The following SV2C variants were observed in gnomAD, a reference collection of about 807,000 sequenced individuals.
SV2C encodes the protein solute carrier family 22 member B3.
SV2C carries 49 observed loss-of-function variants against 79.7 expected under a neutral mutation model. The observed-to-expected ratio is 0.61, with a 90% confidence interval of 0.49 to 0.78. The LOEUF (loss-of-function observed/expected upper bound fraction) is 0.78, where lower values mean the gene tolerates loss of function less well. SV2C is among the 30% of genes least tolerant of loss of function. SV2C has a pLI of 0.00. For synonymous variants in SV2C, 334 were observed against 333.2 expected, an observed-to-expected ratio of 1.00 and a Z score of -0.03; for missense variants, 833 against 912.9, an observed-to-expected ratio of 0.91 and a Z score of 1.13.
chr5:76,082,587 CTT>C (rs1234849282), upstream of SV2C, among the ~76,000 whole-genome samples: 1 of 149,716 alleles, frequency 6.7e-6, no homozygotes. Context: ...TTCTTTCTTT[CTT>C]TCTTTCTTCC....
the SV2C span, among the ~76,000 whole-genome samples, chr5:76,011,440 G>C: frequency 1.3e-5 from 2 of 152,088 alleles, no homozygotes; most frequent in African/African-American, 4.8e-5. Context: ...CTTGAGCTCA[G>C]AACTATTTAT....
At chr5:76,002,026 A>G in the SV2C span, among the ~76,000 whole-genome samples, 2 of 151,622 alleles carry the variant, frequency 1.3e-5, no homozygotes, top group Non-Finnish European at 2.9e-5. Context: ...CTTAGCCCCC[A>G]CTTATAAGTG....
At chr5:75,939,867 C>A in the SV2C span, among the ~76,000 whole-genome samples, 1 of 152,164 alleles carries the variant, frequency 6.6e-6, no homozygotes, top group Non-Finnish European at 1.5e-5. Context: ...CTCTCCTCCC[C>A]ATCTTCACCT....
At chr5:76,305,635 G>A (rs1013605319) in intron 12 of SV2C, among the ~76,000 whole-genome samples, 17 of 152,034 alleles carry the variant, frequency 1.1e-4, no homozygotes, top group South Asian at 4.1e-4. Flanking sequence ...TACCTAGATC[G>A]TTTGATAAAG....
At chr5:76,058,773 A>T in the SV2C span, among the ~76,000 whole-genome samples, 2 of 152,116 alleles carry the variant, frequency 1.3e-5, no homozygotes, top group African/African-American at 2.4e-5. Context: ...TTACAATATA[A>T]ATAAGAATAG....
In SV2C at chr5:76,295,928, A is replaced by G; in HGVS notation, c.1488A>G (p.Glu496=). 6.2e-7 allele frequency: 1 copy of G among 1,600,008 alleles called. No individual in the cohort carries two copies. The highest frequency in any genetic ancestry group is 8.5e-7 in the Non-Finnish European group (1 of 1,173,560). ...TMENQIHTGM[E]YDNGRFIGVK... ...AAAATCAGATTCATACTGGAATGGAATACGACAATGGCAGGTCTAGAAACT... is the reference window on the plus strand; with the variant it reads ...AAAATCAGATTCATACTGGAATGGAGTACGACAATGGCAGGTCTAGAAACT... Residue 496 remains glutamate, a synonymous_variant, in exon 9 of 13, where the codon GAA becomes GAG. Coordinates refer to ENST00000502798, the MANE Select transcript of SV2C (RefSeq NM_014979.4).
the SV2C span, among the ~76,000 whole-genome samples, chr5:75,925,457 T>G: frequency 6.6e-6 from 1 of 152,154 alleles, no homozygotes; most frequent in East Asian, 1.9e-4. Context: ...ATACACCATA[T>G]AGGTAGCTGG....
intron 4 of SV2C, among the ~76,000 whole-genome samples, chr5:76,211,463 C>CGTGTGT (rs10593541): frequency 6.7e-5 from 10 of 149,474 alleles, no homozygotes; most frequent in African/African-American, 1.7e-4. Flanking sequence ...GTTCTGGTTG[C>CGTGTGT]GTGTGTGTGT....
rs757275538 is a variant in SV2C at position 76,131,997 on chromosome 5, G to A, written c.247G>A (p.Asp83Asn). 6.2e-7 allele frequency: 1 copy of A among 1,613,696 alleles called. No homozygotes were observed. Among genetic ancestry groups the A allele is most frequent in the South Asian group, 1.1e-5 (1 of 91,012 alleles). Reference sequence around the variant, plus strand: ...CTCAAGTGAAGCCACTGAGGGGCATGATGAAGATGATGAGATCTATGAGGG... The same window carrying A: ...CTCAAGTGAAGCCACTGAGGGGCATAATGAAGATGATGAGATCTATGAGGG... ...EGSSEATEGH[D>N]EDDEIYEGEY... The change falls in exon 2 of 13, where the codon GAT becomes AAT. Residue 83 changes from aspartate (D) to asparagine (N), a missense_variant. Transcript: ENST00000502798.
intron 4 of SV2C, among the ~76,000 whole-genome samples, chr5:76,235,827 G>A (rs575555564): frequency 1.7e-4 from 26 of 151,614 alleles, no homozygotes; most frequent in African/African-American, 5.3e-4. Context: ...CATTAATTGC[G>A]TCTCCTACAG....
At chr5:76,076,974 T>C in the SV2C span, among the ~76,000 whole-genome samples, 1 of 152,164 alleles carries the variant, frequency 6.6e-6, no homozygotes, top group African/African-American at 2.4e-5. Flanking sequence ...AACGAAAACC[T>C]ACCCCATCAT....
chr5:75,848,851 T>A, the SV2C span, among the ~76,000 whole-genome samples: 1 of 152,220 alleles, frequency 6.6e-6, no homozygotes, highest in African/African-American at 2.4e-5. Context: ...AATTACCAGT[T>A]TTGTGATTTG....
the SV2C span, among the ~76,000 whole-genome samples, chr5:76,039,612 C>T: frequency 3.6e-3 from 542 of 152,008 alleles, 8 homozygotes; most frequent in African/African-American, 0.012. Context: ...AAAAATTAAC[C>T]GGGCATGGTG....
chr5:76,300,519 T>TATC (rs1399571334), intron 10 of SV2C, among the ~76,000 whole-genome samples: 2 of 152,278 alleles, frequency 1.3e-5, no homozygotes, highest in Admixed American at 6.5e-5. Flanking sequence ...TCAGCAAAGG[T>TATC]ATCTCATCAT....
intron 1 of SV2C, among the ~76,000 whole-genome samples, chr5:76,128,952 G>A (rs768064340): frequency 1.3e-5 from 2 of 152,052 alleles, no homozygotes; most frequent in Non-Finnish European, 2.9e-5. Flanking sequence ...CATTTTCCTG[G>A]CAATATCTGG....
chr5:75,920,640 T>A, the SV2C span: 1 of 508,136 alleles, frequency 2.0e-6, no homozygotes, highest in South Asian at 1.9e-5. Flanking sequence ...GAGTGGGTGG[T>A]GGGGGGTGGG....
chr5:75,986,162 C>G, the SV2C span, among the ~76,000 whole-genome samples: 1 of 150,730 alleles, frequency 6.6e-6, no homozygotes, highest in Non-Finnish European at 1.5e-5. Context: ...CATCCAGCTT[C>G]TAATCCCAGA....
At chr5:76,324,568 G>T (rs1431470353) in intron 12 of SV2C, among the ~76,000 whole-genome samples, 1 of 151,972 alleles carries the variant, frequency 6.6e-6, no homozygotes, top group Non-Finnish European at 1.5e-5. Flanking sequence ...TTCCTGCAGG[G>T]TATAGTGGCT....
At chr5:75,891,036 T>C in the SV2C span, among the ~76,000 whole-genome samples, 1 of 152,122 alleles carries the variant, frequency 6.6e-6, no homozygotes, top group Admixed American at 6.6e-5. Flanking sequence ...TATTTTTTGT[T>C]TGTGTCTTGT....
Sources: allele counts gnomAD v4.1 joint callset (sites outside exome capture counted in the v4.1 genomes callset), GRCh38; gene constraint gnomAD v4.1.1; transcripts MANE v1.5; gene names NCBI Gene and HGNC (gene_info 2026-07-23, HGNC 2026-07-21).